ALG11: variants seen among roughly 807,000 people sequenced by gnomAD.
ALG11 encodes ALG11 alpha-1,2-mannosyltransferase.
In ALG11, 26 loss-of-function variants were observed where a neutral mutation model predicts 38.8. The observed-to-expected ratio is 0.67, with a 90% CI of 0.49 to 0.93. ALG11 has a LOEUF of 0.93. Among genes scored for constraint, ALG11 ranks in the 40% least tolerant of loss-of-function variants. The probability of loss-of-function intolerance (pLI) is 0.00; values close to 1 mark genes in which losing one functional copy is unlikely to be tolerated. For missense variants in ALG11, 535 were observed against 578.8 expected, an observed-to-expected ratio of 0.92 and a Z score of 0.78; for synonymous variants, 199 against 211.6, an observed-to-expected ratio of 0.94 and a Z score of 0.52.
At chr13:52,014,170 CT>C (rs1954115526) in intron 1 of ALG11, among the ~76,000 whole-genome samples, 1 of 152,166 alleles carries the variant, frequency 6.6e-6, no homozygotes, top group Non-Finnish European at 1.5e-5. Context: ...TCTTCATATA[CT>C]TCAACAAAAA....
Position 52,030,350 on chromosome 13 carries a change from G to GCTAGAAGAGCTA in ALG11, c.*1760_*1761insCTAGAAGAGCTA. 6.2e-7 allele frequency: 1 copy of GCTAGAAGAGCTA among 1,614,144 alleles called. No homozygotes were observed. The highest frequency in any genetic ancestry group is 8.5e-7 in the Non-Finnish European group (1 of 1,180,030). Reference sequence around the variant, plus strand: ...AACTCTGGAAGAGCTAGAAGAGCTGGGAAAAGAAGATTGTTTTCAAAATAA... The same window carrying GCTAGAAGAGCTA: ...AACTCTGGAAGAGCTAGAAGAGCTGGCTAGAAGAGCTAGAAAAGAAGATTGTTTTCAAAATAA... On this transcript the variant is annotated 3_prime_UTR_variant, in exon 4 of 4. Transcript: ENST00000521508.
At chr13:52,028,094 TAA>T (rs142915895) in intron 3 of ALG11, among the ~76,000 whole-genome samples, 1 of 144,224 alleles carries the variant, frequency 6.9e-6, no homozygotes, top group African/African-American at 2.5e-5. Flanking sequence ...CCCTATCTCT[TAA>T]AAAAAAAAAA....
At position 52,029,307 on chromosome 13, in the gene ALG11, C is replaced by T; in HGVS notation, c.*717C>T. The T allele has an allele frequency of 6.2e-7, 1 of 1,614,172 alleles. No homozygotes were observed. The highest frequency in any genetic ancestry group is 8.5e-7 in the Non-Finnish European group (1 of 1,180,028). ...CTGGGGAAGGAGCAGCCAGCCATTG[C>T]TCCCATTGAACATGCGCTCAGTGGC... On this transcript the variant is annotated 3_prime_UTR_variant, in exon 4 of 4. Transcript: ENST00000521508.
chr13:52,024,038 G>C lies in ALG11; in HGVS notation c.308G>C (p.Gly103Ala). The C allele has an allele frequency of 1.2e-6, 2 of 1,614,062 alleles. No homozygotes were observed. The highest frequency in any genetic ancestry group is 1.7e-6 in the Non-Finnish European group (2 of 1,180,000). ...YPEAVYVVYT[G>A]DVNVNGQQIL... ...GAAGCAGTTTATGTTGTTTATACCG[G>C]CGATGTTAATGTCAACGGTCAACAG... Residue 103 changes from glycine (G) to alanine (A), a missense_variant, in exon 3 of 4, where the codon GGC becomes GCC. Transcript: ENST00000521508.
chr13:52,029,422 G>A lies in ALG11; in HGVS notation c.*832G>A. 6.2e-7 allele frequency: 1 copy of A among 1,614,162 alleles called. No individual in the cohort carries two copies. The highest frequency in any genetic ancestry group is 8.5e-7 in the Non-Finnish European group (1 of 1,180,030). ...TGACAGATCCTTTACTGACTCCCAT[G>A]GAAAAGGCCTCTCTCCAAGCCATGA... On this transcript the variant is annotated 3_prime_UTR_variant, in exon 4 of 4. Transcript: ENST00000521508.
rs146064848 is a variant in ALG11 at position 52,024,401 on chromosome 13, C to T, written c.671C>T (p.Thr224Ile). 3.1e-6 allele frequency: 5 copies of T among 1,613,388 alleles called. No homozygotes were observed. Among genetic ancestry groups the T allele is most frequent in the African/African-American group, 2.7e-5 (2 of 74,870 alleles). ...GGATTTAATAATGCAGCCTTCATTA[C>T]CAGGAATCCTTTTCTCAGCAAAGTA... The part of the protein sequence containing the change: ...NIGFNNAAFI[T>I]RNPFLSKVKL... The change falls in exon 3 of 4, where the codon ACC (threonine) becomes ATC (isoleucine). Residue 224 changes from threonine (T) to isoleucine (I), a missense_variant. Physicochemically the swap from Thr to Ile is moderately conservative, Grantham distance 89. Coordinates refer to ENST00000521508, the MANE Select transcript of ALG11 (RefSeq NM_001004127.3).
chr13:52,028,411 A>ATAAC lies in ALG11; in HGVS notation c.1302_1305dup (p.Gly436AsnfsTer6), dbSNP rs1395594314. 6.2e-7 allele frequency: 1 copy of ATAAC among 1,614,108 alleles called. No individual in the cohort carries two copies. The highest frequency in any genetic ancestry group is 1.3e-5 in the African/African-American group (1 of 74,944). On this transcript the variant is annotated frameshift_variant, in exon 4 of 4. Coordinates refer to ENST00000521508, the MANE Select transcript of ALG11 (RefSeq NM_001004127.3). LOFTEE classifies it high-confidence loss of function. ...CATTGTGGTTCCTCACGAAGGAGAT[A>ATAAC]TAACTGGCTTTCTGGCTGAGAGTGA...
Position 52,033,417 on chromosome 13 carries a change from A to T in ALG11, c.*4827A>T, listed in dbSNP as rs1407084792. 6.0e-6 allele frequency: 1 copy of T among 167,106 alleles called. No homozygotes were observed. Among genetic ancestry groups the T allele is most frequent in the South Asian group, 2.1e-4 (1 of 4,836 alleles). 10.4% of individuals were successfully genotyped at this position (167,106 alleles called of 1,614,324 possible). ...TAGACATGATTTATATCTAATATAG[A>T]TACAAAGTCTGTGTCTAAATATTAT... On this transcript the variant is annotated 3_prime_UTR_variant, in exon 4 of 4. Coordinates refer to ENST00000521508, the MANE Select transcript of ALG11 (RefSeq NM_001004127.3).
At chr13:52,021,636 GT>G (rs1482215117) in intron 2 of ALG11, 1 of 152,224 alleles carries the variant, frequency 6.6e-6, no homozygotes, top group Non-Finnish European at 1.5e-5. Context: ...CAGTTTTGGG[GT>G]TACTGTTCTG....
In ALG11 at chr13:52,029,360, G is replaced by A. The variant is rs767631702; in HGVS notation, c.*770G>A. The A allele has an allele frequency of 6.8e-6, 11 of 1,613,958 alleles. No individual in the cohort carries two copies. In the African/African-American group the frequency reaches 1.2e-4, roughly 18 times the overall value. ...GAAGGCAAGAACTCCCCTGGAGCAG[G>A]AAATTTTTAACCTCCTCCATAAGAA... On this transcript the variant is annotated 3_prime_UTR_variant, in exon 4 of 4. Transcript: ENST00000521508.
chr13:52,020,644 CCTCTATTA>C (rs1954176275), intron 2 of ALG11: 1 of 152,220 alleles, frequency 6.6e-6, no homozygotes, highest in Non-Finnish European at 1.5e-5. Flanking sequence ...TCCCCAGCAG[CCTCTATTA>C]CTCCTAACCC....
chr13:52,020,738 G>A (rs1403535622), intron 2 of ALG11: 1 of 152,116 alleles, frequency 6.6e-6, no homozygotes, highest in Non-Finnish European at 1.5e-5. Context: ...GCCACATTGC[G>A]TTTCTCATCC....
chr13:52,017,005 A>G (rs1310097966), intron 1 of ALG11: 1 of 152,280 alleles, frequency 6.6e-6, no homozygotes, highest in Non-Finnish European at 1.5e-5. Context: ...CTACAGGGGC[A>G]GAGCTGCTCA....
rs182350911 is a variant in ALG11, at chr13:52,019,124, T to G, written c.256T>G (p.Leu86Val). The G allele has an allele frequency of 4.5e-4, 719 of 1,613,988 alleles. 2 individuals are homozygous for G. The highest frequency in any genetic ancestry group is 5.8e-4 in the Non-Finnish European group (687 of 1,179,920). ...AGGAGAAAGAGTTTTATGGTGTGCT[T>G]TAAGAGCCCTGCAGAAAAAGTAGGT... ...GGGERVLWCALRALQKKYPEA... is the reference protein window; with the variant it reads ...GGGERVLWCAVRALQKKYPEA... Residue 86 changes from leucine to valine, a missense_variant, in exon 2 of 4, where the codon TTA becomes GTA. Leu to Val is a conservative substitution (Grantham distance 32). Coordinates refer to ENST00000521508, the MANE Select transcript of ALG11 (RefSeq NM_001004127.3).
chr13:52,029,273 GT>G lies in ALG11; in HGVS notation c.*688del, dbSNP rs1448069375. ...GAAGAACCAGCAGGCAGAGCAGCTGGTTTTTCCCCTGGGGAAGGAGCAGCCA... is the reference window on the plus strand; with the variant it reads ...GAAGAACCAGCAGGCAGAGCAGCTGGTTTTCCCCTGGGGAAGGAGCAGCCA... On this transcript the variant is annotated 3_prime_UTR_variant, in exon 4 of 4. Transcript: ENST00000521508. 6.2e-7 allele frequency: 1 copy of G among 1,614,058 alleles called. No homozygotes were observed. Among genetic ancestry groups the G allele is most frequent in the Non-Finnish European group, 8.5e-7 (1 of 1,180,038 alleles).
At position 52,031,676 on chromosome 13, in the gene ALG11, A is replaced by T. The variant is rs1422971214; in HGVS notation, c.*3086A>T. On this transcript the variant is annotated 3_prime_UTR_variant, in exon 4 of 4. Transcript: ENST00000521508. ...TGATATACAGATACATCCACAGGGT[A>T]TCTATTACCAGCATAATGCATTGTA... 5.9e-6 allele frequency: 1 copy of T among 168,294 alleles called. No homozygotes were observed. The highest frequency in any genetic ancestry group is 1.5e-5 in the Non-Finnish European group (1 of 68,958). The allele number at this position is 168,294 out of a possible 1,614,324, so 10.4% of individuals were successfully genotyped here.
chr13:52,030,267 A>T lies in ALG11; in HGVS notation c.*1677A>T, dbSNP rs1471100093. 6.2e-7 allele frequency: 1 copy of T among 1,614,242 alleles called. No individual in the cohort carries two copies. Among genetic ancestry groups the T allele is most frequent in the East Asian group, 2.2e-5 (1 of 44,884 alleles). ...GGGACTGTTCCCCAGGTCCAGAGAGAGGAACCTGCCCCAGAAGAAGCGGAA... is the reference window on the plus strand; with the variant it reads ...GGGACTGTTCCCCAGGTCCAGAGAGTGGAACCTGCCCCAGAAGAAGCGGAA... On this transcript the variant is annotated 3_prime_UTR_variant, in exon 4 of 4. Transcript: ENST00000521508.
At chr13:52,014,761 A>G (rs190329734) in intron 1 of ALG11, among the ~76,000 whole-genome samples, 1 of 152,270 alleles carries the variant, frequency 6.6e-6, no homozygotes, top group East Asian at 1.9e-4. Flanking sequence ...AGATGCTACT[A>G]AATATAATAC....
In ALG11 at chr13:52,030,218, A is replaced by G. The variant is rs1244175835; in HGVS notation, c.*1628A>G. 3 of 1,614,266 alleles carry G rather than the reference A, an allele frequency of 1.9e-6. No homozygotes were observed. Among genetic ancestry groups the G allele is most frequent in the Non-Finnish European group, 2.5e-6 (3 of 1,180,054 alleles). On this transcript the variant is annotated 3_prime_UTR_variant, in exon 4 of 4. Coordinates refer to ENST00000521508, the MANE Select transcript of ALG11 (RefSeq NM_001004127.3). ...GAAATTGAAGGAAAAACATCAGTCCAGGAAGCAAAAAGCAAGTTCAGAGGG... is the reference window on the plus strand; with the variant it reads ...GAAATTGAAGGAAAAACATCAGTCCGGGAAGCAAAAAGCAAGTTCAGAGGG...
Sources: allele counts gnomAD v4.1 joint callset (sites outside exome capture counted in the v4.1 genomes callset), GRCh38; gene constraint gnomAD v4.1.1; transcripts MANE v1.5; gene names NCBI Gene and HGNC (gene_info 2026-07-23, HGNC 2026-07-21).